CSMD1: variants seen among roughly 807,000 people sequenced by gnomAD.
The protein encoded by CSMD1 is CUB and Sushi multiple domains 1, also known as CUB and sushi domain-containing protein 1.
Under a neutral mutation model 417.5 loss-of-function variants are expected in CSMD1, and 213 were observed. The observed-to-expected ratio is 0.51, with a 90% CI of 0.46 to 0.57. The LOEUF is 0.57. Ranked by LOEUF, CSMD1 falls within the 20% of genes least tolerant of loss-of-function variation. The pLI is 0.00. For missense variants in CSMD1, 6,923 were observed against 4,529.7 expected (o/e 1.53, Z -15.17); for synonymous variants, 2,862 against 1,736.8 (o/e 1.65, Z -16.11).
rs567048692 is a variant in CSMD1 at position 3,693,484 on chromosome 8, A to T, written c.1009+14930T>A. On this transcript the variant is annotated intron_variant, in intron 7 of 69. Coordinates refer to ENST00000635120, the MANE Select transcript of CSMD1 (RefSeq NM_033225.6). Reference sequence around the variant, plus strand: ...AGTTGATACTGAAATTGCTGGTCAAATTATGGCAGCAGGCAGCCGCCTGGA... The same window carrying T: ...AGTTGATACTGAAATTGCTGGTCAATTTATGGCAGCAGGCAGCCGCCTGGA... Among the ~76,000 whole-genome samples the T allele has an allele frequency of 1.1e-4, 16 of 152,272 alleles. No individual in the cohort carries two copies. In the South Asian group the frequency reaches 3.1e-3, roughly 30 times the overall value.
At chr8:4,396,067 C>A (rs1019954566) in intron 3 of CSMD1, among the ~76,000 whole-genome samples, 3 of 152,082 alleles carry the variant, frequency 2.0e-5, no homozygotes, top group African/African-American at 7.2e-5. Context: ...CATGCATCAC[C>A]CATTTCTGTC....
intron 41 of CSMD1, among the ~76,000 whole-genome samples, chr8:3,136,506 C>T (rs1169825278): frequency 2.0e-5 from 3 of 152,156 alleles, no homozygotes; most frequent in Admixed American, 6.5e-5. Context: ...TTCAGCTGAT[C>T]TACCCACCTC....
At chr8:3,998,154 G>C (rs1226722875) in intron 4 of CSMD1, 44 bp from the exon 5 acceptor site, 3 of 1,504,620 alleles carry the variant, frequency 2.0e-6, no homozygotes, top group South Asian at 1.2e-5. Flanking sequence ...TTTCAGGATG[G>C]TTTTCATACA....
At chr8:3,816,856 T>G (rs1337339963) in intron 5 of CSMD1, among the ~76,000 whole-genome samples, 1 of 152,158 alleles carries the variant, frequency 6.6e-6, no homozygotes, top group African/African-American at 2.4e-5. Flanking sequence ...GGAACATATT[T>G]CTCAGGGGTA....
intron 1 of CSMD1, among the ~76,000 whole-genome samples, chr8:4,691,158 G>A (rs541286381): frequency 6.6e-6 from 1 of 152,338 alleles, no homozygotes; most frequent in Admixed American, 6.5e-5. Flanking sequence ...GGAAGGAAGT[G>A]AAGGAATCAA....
chr8:3,396,425 C>T, intron 16 of CSMD1, 44 bp from the exon 17 acceptor site: 1 of 1,387,752 alleles, frequency 7.2e-7, no homozygotes, highest in East Asian at 2.5e-5. Flanking sequence ...GCAGAACTGC[C>T]AGCTTACAGA....
intron 1 of CSMD1, among the ~76,000 whole-genome samples, chr8:4,908,753 C>T (rs563089226): frequency 1.3e-5 from 2 of 150,670 alleles, no homozygotes; most frequent in Admixed American, 6.6e-5. Flanking sequence ...CATTTTGATG[C>T]TTAGAGTTTT....
At chr8:3,942,510 T>C (rs1037904014) in intron 5 of CSMD1, among the ~76,000 whole-genome samples, 1 of 152,162 alleles carries the variant, frequency 6.6e-6, no homozygotes, top group Non-Finnish European at 1.5e-5. Flanking sequence ...TCAGGGACTA[T>C]AACCCTCAAC....
At chr8:3,029,294 CA>C in intron 51 of CSMD1, 24 bp downstream of exon 51, 1 of 1,569,262 alleles carries the variant, frequency 6.4e-7, no homozygotes, top group South Asian at 1.2e-5. Flanking sequence ...CCGTGACTTT[CA>C]GGGGTGCCTC....
intron 31 of CSMD1, among the ~76,000 whole-genome samples, chr8:3,202,698 G>A (rs2116735905): frequency 6.6e-6 from 1 of 152,266 alleles, no homozygotes; most frequent in Non-Finnish European, 1.5e-5. Flanking sequence ...AATTCCAACG[G>A]AAACAATTAC....
At chr8:3,291,674 T>C (rs577882357) in intron 25 of CSMD1, among the ~76,000 whole-genome samples, 15 of 152,154 alleles carry the variant, frequency 9.9e-5, no homozygotes, top group East Asian at 3.9e-4. Flanking sequence ...GTGGTGATAT[T>C]ACCTTTATCA....
At chr8:3,614,262 C>A (rs1802030219) in intron 8 of CSMD1, among the ~76,000 whole-genome samples, 1 of 152,032 alleles carries the variant, frequency 6.6e-6, no homozygotes, top group South Asian at 2.1e-4. Flanking sequence ...TTGAAATTCT[C>A]TTCTGAGATA....
At chr8:3,505,343 G>C (rs947413849) in intron 10 of CSMD1, among the ~76,000 whole-genome samples, 2 of 152,158 alleles carry the variant, frequency 1.3e-5, no homozygotes, top group East Asian at 1.9e-4. Flanking sequence ...AAGATGAAAA[G>C]AAGATGAGAG....
chr8:4,308,217 A>T (rs1240450232), intron 3 of CSMD1, among the ~76,000 whole-genome samples: 1 of 151,958 alleles, frequency 6.6e-6, no homozygotes, highest in South Asian at 2.1e-4. Context: ...ACTGTGTGGG[A>T]TGTGTGTGGT....
chr8:4,438,693 C>T (rs189734176), intron 2 of CSMD1, among the ~76,000 whole-genome samples: 261 of 152,302 alleles, frequency 1.7e-3, no homozygotes, highest in African/African-American at 6.0e-3. Context: ...CAAACTCTTG[C>T]GGCCTTCATA....
intron 49 of CSMD1, among the ~76,000 whole-genome samples, chr8:3,073,823 A>G (rs1489437966): frequency 6.6e-6 from 1 of 152,178 alleles, no homozygotes; most frequent in Non-Finnish European, 1.5e-5. Flanking sequence ...CTACTGAGTA[A>G]TGATCAAATG....
chr8:3,547,294 A>G (rs1563141650), intron 10 of CSMD1, among the ~76,000 whole-genome samples: 1 of 152,244 alleles, frequency 6.6e-6, no homozygotes, highest in Non-Finnish European at 1.5e-5. Context: ...TCGACAAGAA[A>G]ATGAAATGAA....
intron 23 of CSMD1, among the ~76,000 whole-genome samples, chr8:3,335,903 T>G (rs1406231064): frequency 2.0e-5 from 3 of 152,190 alleles, no homozygotes; most frequent in African/African-American, 7.2e-5. Flanking sequence ...GGTAGAAACC[T>G]GATCCAAGGC....
At chr8:3,298,018 A>T (rs62504376) in intron 25 of CSMD1, among the ~76,000 whole-genome samples, 12,775 of 152,274 alleles carry the variant, frequency 0.084, 681 homozygotes, top group Non-Finnish European at 0.12. Context: ...ATCAGTCGTC[A>T]GGGAAATGCA....
Sources: allele counts gnomAD v4.1 joint callset (sites outside exome capture counted in the v4.1 genomes callset), GRCh38; gene constraint gnomAD v4.1.1; transcripts MANE v1.5; gene names NCBI Gene and HGNC (gene_info 2026-07-23, HGNC 2026-07-21).